The following ALK variants were observed in gnomAD, a reference collection of about 807,000 sequenced individuals.
ALK encodes ALK receptor tyrosine kinase, also known as ALK tyrosine kinase receptor.
Under a neutral mutation model 163.1 loss-of-function variants are expected in ALK, and 74 were observed. The ratio of observed to expected loss-of-function variants is 0.45; its 90% CI spans 0.38 to 0.55. The LOEUF (loss-of-function observed/expected upper bound fraction) is 0.55, where lower values mean the gene tolerates loss of function less well. Among genes scored for constraint, ALK ranks in the 20% least tolerant of loss-of-function variants. The pLI, the probability that ALK is intolerant of heterozygous loss-of-function variation, is 0.00. For missense variants in ALK, 2,063 were observed against 2,105.3 expected (o/e 0.98, Z 0.39); for synonymous variants, 960 against 843.2 (o/e 1.14, Z -2.40).
At chr2:29,395,052 G>A (rs1669270538) in intron 4 of ALK, among the ~76,000 whole-genome samples, 2 of 152,096 alleles carry the variant, frequency 1.3e-5, no homozygotes, top group African/African-American at 2.4e-5. Flanking sequence ...AGAGCTCCCG[G>A]GATTTCCCAG....
At chr2:29,747,186 C>T (rs1274305582) in intron 1 of ALK, among the ~76,000 whole-genome samples, 1 of 152,162 alleles carries the variant, frequency 6.6e-6, no homozygotes, top group African/African-American at 2.4e-5. Context: ...TCAAACTGTC[C>T]TATGGAAAAC....
intron 1 of ALK, among the ~76,000 whole-genome samples, chr2:29,782,370 C>T (rs986775579): frequency 3.9e-5 from 6 of 152,130 alleles, no homozygotes; most frequent in African/African-American, 1.4e-4. Flanking sequence ...TGTCTATGGT[C>T]CCCAAGCTGG....
At chr2:29,252,881 G>A (rs1184995322) in intron 11 of ALK, among the ~76,000 whole-genome samples, 1 of 151,630 alleles carries the variant, frequency 6.6e-6, no homozygotes, top group Non-Finnish European at 1.5e-5. Context: ...GCTGAGGGTA[G>A]TGGTACAATC....
At chr2:29,664,424 A>G (rs1558431720) in intron 3 of ALK, among the ~76,000 whole-genome samples, 3 of 151,860 alleles carry the variant, frequency 2.0e-5, no homozygotes, top group Non-Finnish European at 4.4e-5. Context: ...GCCTTTTTGT[A>G]CTCCCACTTC....
intron 3 of ALK, among the ~76,000 whole-genome samples, chr2:29,573,062 G>A (rs1216470697): frequency 1.3e-5 from 2 of 152,174 alleles, no homozygotes; most frequent in East Asian, 3.8e-4. Context: ...TAAGCTGCAG[G>A]GAAACTAGGA....
At chr2:29,225,992 G>C (rs1663973667) in intron 18 of ALK, among the ~76,000 whole-genome samples, 1 of 152,142 alleles carries the variant, frequency 6.6e-6, no homozygotes, top group South Asian at 2.1e-4. Context: ...GTGGGGAGGG[G>C]TCCTGTGCCC....
chr2:29,197,005 G>A, intron 27 of ALK, 145 bp from the exon 28 acceptor site: 1 of 688,342 alleles, frequency 1.5e-6, no homozygotes, highest in South Asian at 1.6e-5. Flanking sequence ...GCCCCCTGCT[G>A]ATTGGTCAAG....
intron 3 of ALK, among the ~76,000 whole-genome samples, chr2:29,534,083 A>G (rs976853601): frequency 5.3e-5 from 8 of 152,154 alleles, no homozygotes; most frequent in Non-Finnish European, 1.5e-5. Context: ...GGGAGATAGG[A>G]GGTGTAACCA....
intron 1 of ALK, among the ~76,000 whole-genome samples, chr2:29,843,864 T>C (rs983707105): frequency 1.5e-4 from 23 of 152,216 alleles, no homozygotes; most frequent in Admixed American, 1.4e-3. Context: ...ACTTACTGTA[T>C]GCTGAGCACA....
At chr2:29,845,034 T>C (rs1665805038) in intron 1 of ALK, among the ~76,000 whole-genome samples, 1 of 152,134 alleles carries the variant, frequency 6.6e-6, no homozygotes, top group South Asian at 2.1e-4. Context: ...ACCAACCCAG[T>C]CTCAGCCCAG....
chr2:29,227,684 A>G lies in ALK; in HGVS notation c.2816-12T>C, dbSNP rs1664048266. On this transcript the variant is annotated splice_polypyrimidine_tract_variant and intron_variant, in intron 16 of 28. Transcript: ENST00000389048. This position sits in a 1 kb window ranked among gnomAD's most constrained non-coding sequence, Gnocchi z 4.4. ...GGCTGCATTGCCGCCTGAGTAGCAAACCAGAGCAGAGTTTAACATGGGGGG... is the reference window on the plus strand; with the variant it reads ...GGCTGCATTGCCGCCTGAGTAGCAAGCCAGAGCAGAGTTTAACATGGGGGG... 1 of 1,611,158 alleles carries G rather than the reference A, an allele frequency of 6.2e-7. No individual in the cohort carries two copies. Among genetic ancestry groups the G allele is most frequent in the South Asian group, 1.1e-5 (1 of 91,028 alleles).
rs770578645 is a variant in ALK, at chr2:29,288,951, C to CAAAAAAAAAA, written c.1817+7936_1817+7937insTTTTTTTTTT. On this transcript the variant is annotated intron_variant, in intron 9 of 28. Transcript: ENST00000389048. ...TGGGCGACAGAGGGAGACTCCTTCT[C>CAAAAAAAAAA]AAAAAAATAAATAAATAAATAAATA... 1.2e-3 allele frequency among the ~76,000 whole-genome samples: 29 copies of CAAAAAAAAAA among 24,206 alleles called. 2 individuals carry two copies. The highest frequency in any genetic ancestry group is 4.8e-3 in the Non-Finnish European group (18 of 3,716). The allele number at this position is 24,206 out of a possible 152,430, so 15.9% of individuals were successfully genotyped here.
chr2:29,704,201 C>T (rs1333252493), intron 2 of ALK, among the ~76,000 whole-genome samples: 1 of 152,134 alleles, frequency 6.6e-6, no homozygotes, highest in African/African-American at 2.4e-5. Context: ...TTAAATGGAA[C>T]CCCAGAAATT....
At chr2:29,769,803 A>T (rs1449698335) in intron 1 of ALK, among the ~76,000 whole-genome samples, 1 of 152,240 alleles carries the variant, frequency 6.6e-6, no homozygotes, top group East Asian at 1.9e-4. Flanking sequence ...AAGCAAGCAA[A>T]CAACAGCAAC....
At chr2:29,484,378 T>C (rs1211549601) in intron 4 of ALK, among the ~76,000 whole-genome samples, 1 of 152,108 alleles carries the variant, frequency 6.6e-6, no homozygotes, top group East Asian at 1.9e-4. Context: ...CACACACACA[T>C]ATATAAACAC....
intron 1 of ALK, among the ~76,000 whole-genome samples, chr2:29,817,292 C>T (rs1461441083): frequency 1.3e-5 from 2 of 152,168 alleles, no homozygotes; most frequent in African/African-American, 4.8e-5. Context: ...TCTGTGACAA[C>T]TGGATAGGTC....
intron 1 of ALK, among the ~76,000 whole-genome samples, chr2:29,808,174 TA>T (rs550034194): frequency 7.3e-4 from 111 of 152,326 alleles, no homozygotes; most frequent in Admixed American, 1.2e-3. Flanking sequence ...GAAAAGATAC[TA>T]AGTACAAGTT....
intron 4 of ALK, among the ~76,000 whole-genome samples, chr2:29,516,136 G>T (rs12618086): frequency 0.27 from 40,646 of 152,062 alleles, 5,659 homozygotes; most frequent in East Asian, 0.33. Context: ...TCTTGCCTCA[G>T]TTTACCTAAG....
chr2:29,230,570 T>A (rs1176874701), intron 15 of ALK, among the ~76,000 whole-genome samples: 1 of 152,112 alleles, frequency 6.6e-6, no homozygotes, highest in Non-Finnish European at 1.5e-5. Context: ...GGGATGACTG[T>A]CTTGCTAGAA....
Sources: allele counts gnomAD v4.1 joint callset (sites outside exome capture counted in the v4.1 genomes callset), GRCh38; gene constraint gnomAD v4.1.1; non-coding constraint Gnocchi (gnomAD v3.1); transcripts MANE v1.5; gene names NCBI Gene and HGNC (gene_info 2026-07-23, HGNC 2026-07-21).